USH2A: variants seen among roughly 807,000 people sequenced by gnomAD.
USH2A encodes usherin, also known as Usher syndrome 2A (autosomal recessive, mild).
USH2A carries 443 observed loss-of-function variants against 538.9 expected under a neutral mutation model. That is an observed-to-expected ratio of 0.82 (90% CI 0.76 to 0.89). The LOEUF (loss-of-function observed/expected upper bound fraction) is 0.89, where lower values mean the gene tolerates loss of function less well. USH2A is among the 40% of genes least tolerant of loss of function. The probability of loss-of-function intolerance (pLI) is 0.00; values close to 1 mark genes in which losing one functional copy is unlikely to be tolerated. For missense variants in USH2A, 6,633 were observed against 6,324.8 expected (o/e 1.05, Z -1.65); for synonymous variants, 2,413 against 2,273.5 (o/e 1.06, Z -1.75).
chr1:216,339,239 C>A (rs980911417), intron 4 of USH2A, among the ~76,000 whole-genome samples: 3 of 151,006 alleles, frequency 2.0e-5, no homozygotes, highest in African/African-American at 7.3e-5. Context: ...ATGAAAAAGG[C>A]AAATTGAAGA....
chr1:216,334,267 T>C (rs1470826348), intron 4 of USH2A, among the ~76,000 whole-genome samples: 1 of 151,998 alleles, frequency 6.6e-6, no homozygotes, highest in Non-Finnish European at 1.5e-5. Context: ...ATTAAGTTGG[T>C]ATTAATTTGA....
intron 9 of USH2A, among the ~76,000 whole-genome samples, chr1:216,314,151 T>C (rs964895712): frequency 1.3e-5 from 2 of 152,192 alleles, no homozygotes; most frequent in African/African-American, 4.8e-5. Flanking sequence ...ACTATGTTTA[T>C]ACTTTCACTA....
chr1:216,236,588 C>G (rs1482470465), intron 13 of USH2A, among the ~76,000 whole-genome samples: 1 of 152,022 alleles, frequency 6.6e-6, no homozygotes, highest in African/African-American at 2.4e-5. Context: ...CTTCTATCCT[C>G]TAAAATATGA....
intron 51 of USH2A, 92 bp from the exon 52 acceptor site, chr1:215,786,966 A>T (rs1571686518): frequency 7.9e-7 from 1 of 1,272,318 alleles, no homozygotes; most frequent in Non-Finnish European, 1.1e-6. Flanking sequence ...TTCAAATGAA[A>T]TTTTTCCTCC....
intron 21 of USH2A, among the ~76,000 whole-genome samples, chr1:216,146,246 T>G (rs1032515542): frequency 6.6e-6 from 1 of 152,180 alleles, no homozygotes; most frequent in African/African-American, 2.4e-5. Context: ...TCACTATCCC[T>G]CAACCGCTTT....
chr1:216,233,389 T>C (rs1393662799), intron 13 of USH2A, among the ~76,000 whole-genome samples: 2 of 152,166 alleles, frequency 1.3e-5, no homozygotes, highest in Non-Finnish European at 2.9e-5. Flanking sequence ...TAGGTATACC[T>C]GTTACAAATG....
chr1:215,837,133 T>C lies in USH2A; in HGVS notation c.9371+858A>G, dbSNP rs72742750. Among the ~76,000 whole-genome samples the C allele has an allele frequency of 9.8e-3, 1,494 of 152,290 alleles. 8 individuals carry two copies. Among genetic ancestry groups the C allele is most frequent in the Non-Finnish European group, 0.016 (1,117 of 68,016 alleles). ...TGAATTTTTCTAATTATTTTAACCA[T>C]TGGTTGCCAAAACCAGTACTAATTT... is the stretch of plus-strand genomic sequence containing the variant. On this transcript the variant is annotated intron_variant, in intron 47 of 71. Coordinates refer to ENST00000307340, the MANE Select transcript of USH2A (RefSeq NM_206933.4).
intron 70 of USH2A, chr1:215,630,035 ATTTCT>A (rs1325268610): frequency 2.0e-6 from 1 of 495,374 alleles, no homozygotes; most frequent in Non-Finnish European, 4.0e-6. Flanking sequence ...TCGGCCTCCC[ATTTCT>A]TTTCTTTTTT....
chr1:216,383,046 G>A (rs933074143), intron 3 of USH2A, among the ~76,000 whole-genome samples: 1 of 152,042 alleles, frequency 6.6e-6, no homozygotes, highest in Admixed American at 6.6e-5. Context: ...CAAACTATAG[G>A]CTGGTAGTCC....
At chr1:215,638,319 C>G (rs1367887717) in intron 69 of USH2A, among the ~76,000 whole-genome samples, 1 of 152,164 alleles carries the variant, frequency 6.6e-6, no homozygotes, top group Non-Finnish European at 1.5e-5. Context: ...CAATATTTGG[C>G]ATTTTAAGAG....
At chr1:215,744,687 G>A (rs1660413446) in intron 58 of USH2A, among the ~76,000 whole-genome samples, 1 of 152,298 alleles carries the variant, frequency 6.6e-6, no homozygotes, top group South Asian at 2.1e-4. Flanking sequence ...CAGAGTGGAA[G>A]AGCTGGTACA....
chr1:216,077,171 G>A (rs1203106007), intron 27 of USH2A, among the ~76,000 whole-genome samples: 1 of 152,094 alleles, frequency 6.6e-6, no homozygotes. Flanking sequence ...TAAGCTCTCA[G>A]AACCATGACT....
At chr1:215,959,097 C>A (rs1341978707) in intron 37 of USH2A, among the ~76,000 whole-genome samples, 1 of 152,048 alleles carries the variant, frequency 6.6e-6, no homozygotes, top group Admixed American at 6.6e-5. Context: ...GCTCTTGAAT[C>A]ATCTGCTCTT....
At chr1:216,357,319 A>G (rs2038408684) in intron 4 of USH2A, among the ~76,000 whole-genome samples, 1 of 152,128 alleles carries the variant, frequency 6.6e-6, no homozygotes, top group Non-Finnish European at 1.5e-5. Flanking sequence ...TCTCTTAGTC[A>G]ATTTCAATAC....
chr1:215,755,915 G>A (rs968753032), intron 58 of USH2A, among the ~76,000 whole-genome samples: 3 of 152,068 alleles, frequency 2.0e-5, no homozygotes, highest in East Asian at 3.8e-4. Context: ...AAAATGACAC[G>A]CTGGGAAATT....
chr1:216,328,637 C>T (rs111477881), intron 4 of USH2A, among the ~76,000 whole-genome samples: 4,136 of 152,034 alleles, frequency 0.027, 86 homozygotes, highest in Non-Finnish European at 0.04. Flanking sequence ...ATGTTTTCTG[C>T]TGCTCCTTGG....
chr1:216,190,130 A>G (rs367686810), intron 20 of USH2A, 93 bp downstream of exon 20: 1 of 1,540,872 alleles, frequency 6.5e-7, no homozygotes, highest in Middle Eastern at 1.9e-4. Context: ...GGAGAAGACA[A>G]ATATAAAGTC....
At chr1:216,083,987 G>A (rs1379002077) in intron 25 of USH2A, among the ~76,000 whole-genome samples, 1 of 152,088 alleles carries the variant, frequency 6.6e-6, no homozygotes, top group Non-Finnish European at 1.5e-5. Flanking sequence ...TGTGCTGAAG[G>A]CAGTTTAAGC....
intron 20 of USH2A, among the ~76,000 whole-genome samples, chr1:216,187,530 AT>A (rs2034634794): frequency 6.6e-6 from 1 of 151,946 alleles, no homozygotes; most frequent in African/African-American, 2.4e-5. Flanking sequence ...ATGCTTTCAG[AT>A]TTTAAGCCTT....
Sources: allele counts gnomAD v4.1 joint callset (sites outside exome capture counted in the v4.1 genomes callset), GRCh38; gene constraint gnomAD v4.1.1; transcripts MANE v1.5; gene names NCBI Gene and HGNC (gene_info 2026-07-23, HGNC 2026-07-21).